Variants in GHR observed in about 807,000 individuals in gnomAD.
GHR encodes growth hormone receptor.
A neutral mutation model predicts 67.1 loss-of-function variants in GHR; 35 were observed. The ratio of observed to expected loss-of-function variants is 0.52; its 90% CI spans 0.40 to 0.69. The LOEUF is 0.69. GHR is among the 30% of genes least tolerant of loss of function. GHR has a pLI of 0.00. For missense variants in GHR, 792 were observed against 764.6 expected (o/e 1.04, Z -0.42); for synonymous variants, 272 against 269.1 (o/e 1.01, Z -0.10).
chr5:42,587,632 A>G (rs1290740546), intron 2 of GHR, among the ~76,000 whole-genome samples: 4 of 151,158 alleles, frequency 2.6e-5, no homozygotes, highest in African/African-American at 9.7e-5. Flanking sequence ...TCTCTTTCGT[A>G]TCGGAATGTG....
chr5:42,637,041 G>GA (rs1754229913), intron 3 of GHR, among the ~76,000 whole-genome samples: 1 of 151,916 alleles, frequency 6.6e-6, no homozygotes, highest in South Asian at 2.1e-4. Context: ...CTACCTCTGT[G>GA]TTTTTTTTCT....
At chr5:42,671,631 C>G (rs1454126437) in intron 3 of GHR, among the ~76,000 whole-genome samples, 2 of 130,304 alleles carry the variant, frequency 1.5e-5, no homozygotes, top group African/African-American at 5.5e-5. Context: ...AATCCAACCT[C>G]CCTTCATGTT....
chr5:42,639,450 A>C (rs972353484), intron 3 of GHR, among the ~76,000 whole-genome samples: 1 of 152,044 alleles, frequency 6.6e-6, no homozygotes, highest in East Asian at 1.9e-4. Context: ...TTATCTTTTT[A>C]TTTTTATCTG....
chr5:42,514,155 T>C, intron 1 of GHR: 1 of 984,886 alleles, frequency 1.0e-6, no homozygotes. Context: ...CTGAATTCAC[T>C]GGGCGCATCT....
chr5:42,604,140 T>C (rs1752509502), intron 2 of GHR, among the ~76,000 whole-genome samples: 1 of 152,228 alleles, frequency 6.6e-6, no homozygotes, highest in South Asian at 2.1e-4. Context: ...CTTGTGGAGT[T>C]GGGGTACACA....
chr5:42,468,406 G>T (rs1310518139), intron 1 of GHR: 2 of 1,168,408 alleles, frequency 1.7e-6, no homozygotes, highest in Non-Finnish European at 2.4e-6. Context: ...TGTTTCAAAA[G>T]CTTCTTCTTG....
intron 3 of GHR, chr5:42,646,336 G>T: frequency 2.2e-6 from 1 of 454,680 alleles, no homozygotes; most frequent in Non-Finnish European, 4.4e-6. Flanking sequence ...TTGCAGGATG[G>T]GGTCCATGCT....
chr5:42,646,903 G>A (rs76188266), intron 3 of GHR, among the ~76,000 whole-genome samples: 2,424 of 152,188 alleles, frequency 0.016, 22 homozygotes, highest in Middle Eastern at 0.051. Context: ...ATTGGGGCTT[G>A]GGATTTTGAG....
At chr5:42,587,976 T>G (rs1184229552) in intron 2 of GHR, among the ~76,000 whole-genome samples, 2 of 152,194 alleles carry the variant, frequency 1.3e-5, no homozygotes, top group Non-Finnish European at 2.9e-5. Flanking sequence ...GTGAATGAAC[T>G]TGTCTTTTCT....
intron 1 of GHR, among the ~76,000 whole-genome samples, chr5:42,542,152 G>A (rs1031684248): frequency 2.6e-5 from 4 of 152,140 alleles, no homozygotes; most frequent in South Asian, 2.1e-4. Context: ...AAGTGGTTGG[G>A]AAAATGAAGA....
At chr5:42,434,386 A>G (rs955446182) in intron 1 of GHR, among the ~76,000 whole-genome samples, 1 of 152,160 alleles carries the variant, frequency 6.6e-6, no homozygotes, top group Non-Finnish European at 1.5e-5. Context: ...CAGAAATGCT[A>G]AATTTCTGTG....
chr5:42,493,955 G>C (rs1340597082), intron 1 of GHR, among the ~76,000 whole-genome samples: 1 of 152,108 alleles, frequency 6.6e-6, no homozygotes, highest in Non-Finnish European at 1.5e-5. Context: ...TCAGAGACTG[G>C]CATTGAGCTC....
chr5:42,519,686 T>A (rs1044126927), intron 1 of GHR, among the ~76,000 whole-genome samples: 11 of 152,220 alleles, frequency 7.2e-5, no homozygotes, highest in African/African-American at 2.4e-4. Flanking sequence ...ACCCCTTATC[T>A]ACATTTTAAA....
At chr5:42,667,564 C>A (rs1756053230) in intron 3 of GHR, among the ~76,000 whole-genome samples, 1 of 152,094 alleles carries the variant, frequency 6.6e-6, no homozygotes, top group African/African-American at 2.4e-5. Flanking sequence ...TTAAATTAAA[C>A]CTGTGGAAGG....
chr5:42,534,280 ATATATGTACATGTGTATATG>A (rs1561102694), intron 1 of GHR, among the ~76,000 whole-genome samples: 2 of 141,182 alleles, frequency 1.4e-5, no homozygotes, highest in African/African-American at 5.6e-5. Flanking sequence ...GTATATATGT[ATATATGTACATGTGTATATG>A]TGTATATATG....
intron 2 of GHR, among the ~76,000 whole-genome samples, chr5:42,570,244 A>T (rs1391064770): frequency 6.6e-6 from 1 of 152,216 alleles, no homozygotes; most frequent in Non-Finnish European, 1.5e-5. Flanking sequence ...AAAGCCACAG[A>T]GCTTTTGATT....
chr5:42,546,856 G>A (rs762566531), intron 1 of GHR, among the ~76,000 whole-genome samples: 1 of 152,114 alleles, frequency 6.6e-6, no homozygotes, highest in Non-Finnish European at 1.5e-5. Context: ...AAGGGGGATG[G>A]AATGGACTCA....
At chr5:42,434,935 C>G (rs1490138201) in intron 1 of GHR, among the ~76,000 whole-genome samples, 2 of 152,116 alleles carry the variant, frequency 1.3e-5, no homozygotes, top group Non-Finnish European at 2.9e-5. Flanking sequence ...TGAATACAAC[C>G]CTTCTTATCT....
intron 1 of GHR, chr5:42,465,908 C>T (rs576965604): frequency 4.6e-5 from 33 of 710,536 alleles, no homozygotes; most frequent in African/African-American, 1.8e-4. Context: ...TTCAAGTCTT[C>T]GTTCACAAGG....
Sources: gnomAD v4.1 joint callset for allele counts (sites outside exome capture counted in the v4.1 genomes callset) on GRCh38, gnomAD v4.1.1 for gene constraint, MANE v1.5 for transcripts, NCBI Gene and HGNC (gene_info 2026-07-23, HGNC 2026-07-21) for gene names.